The following RO60 variants were observed in gnomAD, a reference collection of about 807,000 sequenced individuals.
The protein encoded by RO60 is Ro60, Y RNA binding protein.
In RO60, 20 loss-of-function variants were observed where a neutral mutation model predicts 55.3. That is an observed-to-expected ratio of 0.36 (90% CI 0.25 to 0.53). RO60 has a LOEUF of 0.53. RO60 is among the 20% of genes least tolerant of loss of function. The pLI is 0.92. For missense variants in RO60, 558 were observed against 646.6 expected (o/e 0.86, Z 1.49); for synonymous variants, 213 against 213.6 (o/e 1.00, Z 0.02).
intron 2 of RO60, among the ~76,000 whole-genome samples, chr1:193,072,597 G>A (rs1023522477): frequency 2.0e-5 from 3 of 151,634 alleles, no homozygotes; most frequent in East Asian, 3.9e-4. Flanking sequence ...ACATTTTCTT[G>A]GTTAAGAAAC....
intron 8 of RO60, among the ~76,000 whole-genome samples, chr1:193,083,417 C>T (rs770055377): frequency 3.3e-5 from 5 of 152,116 alleles, no homozygotes; most frequent in Non-Finnish European, 5.9e-5. Flanking sequence ...TAATCAGTAT[C>T]CTCCAGTTGA....
chr1:193,079,287 CTG>C (rs1326798163), intron 5 of RO60, among the ~76,000 whole-genome samples: 2 of 152,206 alleles, frequency 1.3e-5, no homozygotes, highest in Non-Finnish European at 1.5e-5. Flanking sequence ...CAGGGTTTCA[CTG>C]TGTTGGCCAG....
rs1572110552 is a variant in RO60, at chr1:193,085,495, G to A, written c.*764G>A. 1.0e-6 allele frequency: 1 copy of A among 983,090 alleles called. No homozygotes were observed. Among genetic ancestry groups the A allele is most frequent in the East Asian group, 1.1e-4 (1 of 8,766 alleles). 60.9% of individuals were successfully genotyped at this position (983,090 alleles called of 1,614,324 possible). On this transcript the variant is annotated 3_prime_UTR_variant, in exon 9 of 9. Transcript: ENST00000400968. ...TTTATTGCTACAAGGGGTGTGACTT[G>A]ATAATGATTTCCTCTGAATTATAAT...
chr1:193,070,543 TGC>T, intron 2 of RO60: 8 of 425,916 alleles, frequency 1.9e-5, no homozygotes, highest in Admixed American at 7.9e-5. Context: ...TTTTTTTTTT[TGC>T]ACCGGAAGTG....
intron 1 of RO60, among the ~76,000 whole-genome samples, chr1:193,060,935 A>C (rs1672601181): frequency 6.6e-6 from 1 of 152,188 alleles, no homozygotes; most frequent in South Asian, 2.1e-4. Context: ...TATGAACTTG[A>C]AAATGTTTTC....
At position 193,086,435 on chromosome 1, in the gene RO60, T is replaced by C. The variant is rs1368265405; in HGVS notation, c.*1704T>C. 6.6e-6 allele frequency: 1 copy of C among 152,164 alleles called. No individual in the cohort carries two copies. The highest frequency in any genetic ancestry group is 1.9e-4 in the East Asian group (1 of 5,196). 9.4% of individuals were successfully genotyped at this position (152,164 alleles called of 1,614,324 possible). On this transcript the variant is annotated 3_prime_UTR_variant, in exon 9 of 9. Coordinates refer to ENST00000400968, the MANE Select transcript of RO60 (RefSeq NM_001173524.2). ...CCCCACTCCAGACATGCATTGCTTCTGATGTTGTTCACGTTTTTAACCCTG... is the reference window on the plus strand; with the variant it reads ...CCCCACTCCAGACATGCATTGCTTCCGATGTTGTTCACGTTTTTAACCCTG...
intron 2 of RO60, among the ~76,000 whole-genome samples, chr1:193,069,913 T>C (rs1454377524): frequency 1.3e-5 from 2 of 152,180 alleles, no homozygotes; most frequent in Non-Finnish European, 2.9e-5. Flanking sequence ...ACCCAAGTGA[T>C]TCTGGACTGT....
At position 193,073,953 on chromosome 1, in the gene RO60, G is replaced by T. The variant is rs1351905762; in HGVS notation, c.581-1867G>T. ...CTTCCTGTGTCCATGTGTTCTCATT[G>T]TTCAATTCCCACCTATGAGTGAGAA... On this transcript the variant is annotated intron_variant, in intron 2 of 8. Coordinates refer to ENST00000400968, the MANE Select transcript of RO60 (RefSeq NM_001173524.2). Among the ~76,000 whole-genome samples, 3 of 142,004 alleles carry T rather than the reference G, an allele frequency of 2.1e-5. No homozygotes were observed. In the Admixed American group the frequency reaches 2.2e-4, roughly 10 times the overall value. 93.2% of individuals were successfully genotyped at this position (142,004 alleles called of 152,430 possible). A position where few individuals can be genotyped will look rare whatever the true frequency, so the allele number is the denominator to read the frequency against.
Position 193,084,755 on chromosome 1 carries a change from A to T in RO60, c.*24A>T, listed in dbSNP as rs776843853. The T allele has an allele frequency of 1.2e-6, 2 of 1,601,246 alleles. No individual in the cohort carries two copies. Among genetic ancestry groups the T allele is most frequent in the Non-Finnish European group, 1.7e-6 (2 of 1,175,258 alleles). ...AACCATAAGCAGCAGCACGATCCAG[A>T]GATCCATTGCCATCAGTGATCTCAC... On this transcript the variant is annotated 3_prime_UTR_variant, in exon 9 of 9. Transcript: ENST00000400968.
Position 193,088,448 on chromosome 1 carries a change from A to T in RO60, c.*3717A>T, listed in dbSNP as rs1017303081. The stretch of plus-strand genomic sequence containing the variant: ...TGAAATTATTTTGGAAAGATAAGGT[A>T]GGATTCTTGAATAAATCTGAAGGTC... On this transcript the variant is annotated 3_prime_UTR_variant, in exon 9 of 9. Transcript: ENST00000400968. The T allele has an allele frequency of 1.3e-5, 2 of 151,956 alleles. No individual in the cohort carries two copies. Among genetic ancestry groups the T allele is most frequent in the African/African-American group, 4.8e-5 (2 of 41,354 alleles). The allele number at this position is 151,956 out of a possible 1,614,324, so 9.4% of individuals were successfully genotyped here. A position where few individuals can be genotyped will look rare whatever the true frequency, so the allele number is the denominator to read the frequency against.
rs967274594 is a variant in RO60 at position 193,085,228 on chromosome 1, C to A, written c.*497C>A. On this transcript the variant is annotated 3_prime_UTR_variant, in exon 9 of 9. Coordinates refer to ENST00000400968, the MANE Select transcript of RO60 (RefSeq NM_001173524.2). ...TATACCAAGGGGGTAAAAAAAAAAA[C>A]TAAGGCATTTGATTAAATTATGAAT... The A allele has an allele frequency of 4.9e-5, 57 of 1,159,794 alleles. No homozygotes were observed. Among genetic ancestry groups the A allele is most frequent in the African/African-American group, 1.6e-5 (1 of 63,116 alleles). 71.8% of individuals were successfully genotyped at this position (1,159,794 alleles called of 1,614,324 possible).
chr1:193,081,231 G>A, intron 5 of RO60, 133 bp from the exon 6 acceptor site: 1 of 472,180 alleles, frequency 2.1e-6, no homozygotes, highest in Non-Finnish European at 3.8e-6. Flanking sequence ...TTAAATAGTT[G>A]TCAATTGGTA....
chr1:193,069,669 G>C (rs1350413403), intron 2 of RO60, 35 bp downstream of exon 2: 1 of 1,523,770 alleles, frequency 6.6e-7, no homozygotes, highest in Non-Finnish European at 8.9e-7. Flanking sequence ...AGAAGGGTGG[G>C]TAAGGGATAT....
Position 193,088,795 on chromosome 1 carries a change from G to A in RO60, c.*4064G>A, listed in dbSNP as rs1013596383. 1 of 152,100 alleles carries A rather than the reference G, an allele frequency of 6.6e-6. No homozygotes were observed. The highest frequency in any genetic ancestry group is 1.5e-5 in the Non-Finnish European group (1 of 68,000). The allele number at this position is 152,100 out of a possible 1,614,324, so 9.4% of individuals were successfully genotyped here. Reference sequence around the variant, plus strand: ...ATCAATGAAATTAGTTGTATTTACTGTTTGGATTTTATTTAGTGTTTCCTT... The same window carrying A: ...ATCAATGAAATTAGTTGTATTTACTATTTGGATTTTATTTAGTGTTTCCTT... On this transcript the variant is annotated 3_prime_UTR_variant, in exon 9 of 9. Coordinates refer to ENST00000400968, the MANE Select transcript of RO60 (RefSeq NM_001173524.2).
chr1:193,091,745 T>A, downstream of RO60: 5 of 1,401,578 alleles, frequency 3.6e-6, no homozygotes, highest in Non-Finnish European at 5.0e-6. Flanking sequence ...TAGAAATTGA[T>A]AGATGTACCA....
At position 193,075,883 on chromosome 1, in the gene RO60, A is replaced by C. The variant is rs372098871; in HGVS notation, c.644A>C (p.Glu215Ala). Residue 215 changes from glutamate (E) to alanine (A), a missense_variant, in exon 3 of 9, where the codon GAA becomes GCA. Glu to Ala is a moderately radical substitution (Grantham distance 107, BLOSUM62 -1). Transcript: ENST00000400968. ...AAAGAAGTTCATGAATTGTATAAAG[A>C]AAAAGCACTCTCTGTGGAGACTGAA... ...GWKEVHELYK[E>A]KALSVETEKL... 6 of 1,612,864 alleles carry C rather than the reference A, an allele frequency of 3.7e-6. No individual in the cohort carries two copies. The highest frequency in any genetic ancestry group is 5.1e-6 in the Non-Finnish European group (6 of 1,179,394).
rs1009577043 is a variant in RO60 at position 193,089,739 on chromosome 1, G to C, written c.*5008G>C. 1.5e-4 allele frequency: 22 copies of C among 150,834 alleles called. No individual in the cohort carries two copies. Among genetic ancestry groups the C allele is most frequent in the Non-Finnish European group, 8.9e-5 (6 of 67,722 alleles). The allele number at this position is 150,834 out of a possible 1,614,324, so 9.3% of individuals were successfully genotyped here. The stretch of plus-strand genomic sequence containing the variant: ...TCATCCTAAAAAGATTTTTCCCTTT[G>C]CTTCTGTTTTATTTAGCCCTGCCAT... On this transcript the variant is annotated 3_prime_UTR_variant, in exon 9 of 9. Coordinates refer to ENST00000400968, the MANE Select transcript of RO60 (RefSeq NM_001173524.2).
intron 1 of RO60, among the ~76,000 whole-genome samples, chr1:193,065,655 G>A (rs1673053743): frequency 9.0e-6 from 1 of 111,174 alleles, no homozygotes; most frequent in Admixed American, 1.0e-4. Context: ...GGATCGAAAG[G>A]TAGAGATAAA....
At chr1:193,066,770 T>G (rs1321824095) in intron 1 of RO60, among the ~76,000 whole-genome samples, 1 of 152,202 alleles carries the variant, frequency 6.6e-6, no homozygotes, top group East Asian at 1.9e-4. Flanking sequence ...GTGTTCCTCT[T>G]TAAGTTATGA....
Sources: gnomAD v4.1 joint callset for allele counts (sites outside exome capture counted in the v4.1 genomes callset) on GRCh38, gnomAD v4.1.1 for gene constraint, MANE v1.5 for transcripts, NCBI Gene and HGNC (gene_info 2026-07-23, HGNC 2026-07-21) for gene names.